The following CDH10 variants were observed in gnomAD, a reference collection of about 807,000 sequenced individuals.
CDH10 encodes the protein cadherin 10.
CDH10 carries 30 observed loss-of-function variants against 73.1 expected under a neutral mutation model. The ratio of observed to expected loss-of-function variants is 0.41; its 90% CI spans 0.31 to 0.56. The LOEUF (loss-of-function observed/expected upper bound fraction) is 0.56, where lower values mean the gene tolerates loss of function less well. Among genes scored for constraint, CDH10 ranks in the 20% least tolerant of loss-of-function variants. The pLI, the probability that CDH10 is intolerant of heterozygous loss-of-function variation, is 0.27. For synonymous variants in CDH10, 345 were observed against 348.2 expected (o/e 0.99, Z 0.10); for missense variants, 815 against 973.7 (o/e 0.84, Z 2.17).
At chr5:24,537,787 C>T (rs1252149389) in intron 2 of CDH10, 113 bp from the exon 3 acceptor site, 8 of 631,928 alleles carry the variant, frequency 1.3e-5, no homozygotes, top group Non-Finnish European at 2.2e-5. Context: ...GTCGGCTATC[C>T]TACTTCTTGA....
intron 2 of CDH10, among the ~76,000 whole-genome samples, chr5:24,566,709 ATATT>A (rs1206369863): frequency 6.6e-6 from 1 of 152,138 alleles, no homozygotes; most frequent in Non-Finnish European, 1.5e-5. Flanking sequence ...ATACAAAAAT[ATATT>A]TACGTTCTAA....
intron 2 of CDH10, among the ~76,000 whole-genome samples, chr5:24,570,403 T>C (rs1319134884): frequency 1.3e-5 from 2 of 151,994 alleles, no homozygotes; most frequent in Non-Finnish European, 2.9e-5. Flanking sequence ...TAGTGTCGGA[T>C]AGAAGTGGAA....
intron 2 of CDH10, among the ~76,000 whole-genome samples, chr5:24,584,475 T>TGA (rs1554023331): frequency 0.046 from 3,676 of 79,234 alleles, 187 homozygotes; most frequent in African/African-American, 0.089. Flanking sequence ...TGTGTGTGTG[T>TGA]GAGAGAGAGA....
intron 5 of CDH10, among the ~76,000 whole-genome samples, chr5:24,520,369 T>C (rs993539480): frequency 2.2e-4 from 34 of 152,124 alleles, no homozygotes; most frequent in African/African-American, 7.7e-4. Flanking sequence ...AAAAAGCAAG[T>C]TTCAGAAAAT....
chr5:24,632,820 T>C (rs1747748334), intron 1 of CDH10, among the ~76,000 whole-genome samples: 1 of 151,912 alleles, frequency 6.6e-6, no homozygotes, highest in South Asian at 2.1e-4. Flanking sequence ...CCTATTCACA[T>C]GGTATCCTGT....
intron 2 of CDH10, among the ~76,000 whole-genome samples, chr5:24,572,175 T>TA (rs1404596076): frequency 6.6e-6 from 1 of 152,100 alleles, no homozygotes; most frequent in Non-Finnish European, 1.5e-5. Context: ...ACCTGGAACT[T>TA]ACAAGGACCC....
chr5:24,553,448 T>C (rs1199498736), intron 2 of CDH10, among the ~76,000 whole-genome samples: 1 of 152,160 alleles, frequency 6.6e-6, no homozygotes, highest in Admixed American at 6.6e-5. Context: ...ATATTCATCC[T>C]CCTGGCTTTT....
chr5:24,516,242 T>A (rs1561135417), intron 5 of CDH10, among the ~76,000 whole-genome samples: 1 of 151,510 alleles, frequency 6.6e-6, no homozygotes, highest in Admixed American at 6.6e-5. Context: ...TAGCAGGGAG[T>A]ATCCGATGTC....
At chr5:24,594,441 T>C (rs1015763303) in intron 1 of CDH10, among the ~76,000 whole-genome samples, 8 of 151,756 alleles carry the variant, frequency 5.3e-5, no homozygotes, top group East Asian at 1.9e-4. Flanking sequence ...CATTTTTTTT[T>C]CCACAAAACA....
chr5:24,533,122 T>C (rs1402145835), intron 5 of CDH10, among the ~76,000 whole-genome samples: 2 of 151,932 alleles, frequency 1.3e-5, no homozygotes, highest in Non-Finnish European at 2.9e-5. Context: ...AATGGGACAG[T>C]TCAAGATGAG....
Position 24,530,016 on chromosome 5 carries a change from C to CTTT in CDH10, c.814+5093_814+5095dup, listed in dbSNP as rs34282847. 9.8e-4 allele frequency among the ~76,000 whole-genome samples: 119 copies of CTTT among 121,808 alleles called. 1 individual carries two copies. The highest frequency in any genetic ancestry group is 1.2e-3 in the Non-Finnish European group (72 of 60,762). 79.9% of individuals were successfully genotyped at this position (121,808 alleles called of 152,430 possible). ...CTGTGAATAAAAGGCTCTATTTTTA[C>CTTT]TTTTTTTTTTTTTTTTTTTTGAACT... On this transcript the variant is annotated intron_variant, in intron 5 of 11. Transcript: ENST00000264463.
chr5:24,641,662 T>C (rs1748054492), intron 1 of CDH10, among the ~76,000 whole-genome samples: 1 of 152,100 alleles, frequency 6.6e-6, no homozygotes, highest in South Asian at 2.1e-4. Flanking sequence ...TAAAATATCA[T>C]AATATGAACC....
intron 6 of CDH10, among the ~76,000 whole-genome samples, chr5:24,510,640 T>C (rs771260704): frequency 6.6e-6 from 1 of 152,156 alleles, no homozygotes; most frequent in Non-Finnish European, 1.5e-5. Flanking sequence ...TTAATAACAG[T>C]TGGTTTTGTA....
chr5:24,639,872 T>C (rs1747988363), intron 1 of CDH10, among the ~76,000 whole-genome samples: 1 of 151,796 alleles, frequency 6.6e-6, no homozygotes, highest in South Asian at 2.1e-4. Flanking sequence ...AATTCATGTC[T>C]GTACATTCTA....
At chr5:24,496,638 G>C (rs1335364711) in intron 9 of CDH10, among the ~76,000 whole-genome samples, 2 of 152,178 alleles carry the variant, frequency 1.3e-5, no homozygotes, top group Admixed American at 1.3e-4. Context: ...TACTCTTAAA[G>C]AGCAGTTAAT....
intron 5 of CDH10, among the ~76,000 whole-genome samples, chr5:24,520,257 A>G (rs1317875268): frequency 1.3e-5 from 2 of 152,228 alleles, no homozygotes; most frequent in Non-Finnish European, 2.9e-5. Flanking sequence ...TGAATAAATC[A>G]TTGTATAATC....
intron 1 of CDH10, among the ~76,000 whole-genome samples, chr5:24,634,482 GTTAAA>G (rs1747806846): frequency 6.6e-6 from 1 of 151,388 alleles, no homozygotes; most frequent in African/African-American, 2.4e-5. Context: ...AAGCCATGAG[GTTAAA>G]TTATTTTGCC....
intron 1 of CDH10, among the ~76,000 whole-genome samples, chr5:24,606,346 C>T (rs1054884457): frequency 2.6e-5 from 4 of 152,174 alleles, no homozygotes; most frequent in Non-Finnish European, 4.4e-5. Context: ...CGCAGTGGCT[C>T]ACACCTGTAA....
intron 8 of CDH10, among the ~76,000 whole-genome samples, chr5:24,503,568 G>A (rs1278392121): frequency 3.3e-5 from 5 of 152,056 alleles, no homozygotes; most frequent in Non-Finnish European, 7.3e-5. Context: ...TCCTAGTATG[G>A]GCAAGAACTT....
Sources: allele counts gnomAD v4.1 joint callset (sites outside exome capture counted in the v4.1 genomes callset), GRCh38; gene constraint gnomAD v4.1.1; transcripts MANE v1.5; gene names NCBI Gene and HGNC (gene_info 2026-07-23, HGNC 2026-07-21).